Variants in BAZ2A observed in about 807,000 individuals in gnomAD.
BAZ2A encodes bromodomain adjacent to zinc finger domain 2A, also known as bromodomain adjacent to zinc finger domain protein 2A.
In BAZ2A, 34 loss-of-function variants were observed where a neutral mutation model predicts 199.9. That is an observed-to-expected ratio of 0.17 (90% confidence interval 0.13 to 0.23). BAZ2A has a LOEUF of 0.23. Among genes scored for constraint, BAZ2A ranks in the 10% least tolerant of loss-of-function variants. The probability of loss-of-function intolerance (pLI) is 1.00; values close to 1 mark genes in which losing one functional copy is unlikely to be tolerated. For missense variants in BAZ2A, 2,002 were observed against 2,391.1 expected (o/e 0.84, Z 3.39); for synonymous variants, 857 against 883.9 (o/e 0.97, Z 0.54).
Position 56,611,567 on chromosome 12 carries a change from A to G in BAZ2A, c.1670+6T>C. The G allele has an allele frequency of 1.2e-6, 2 of 1,611,230 alleles. No homozygotes were observed. The highest frequency in any genetic ancestry group is 1.7e-4 in the Middle Eastern group (1 of 6,060). Reference sequence around the variant, plus strand: ...GTCAATAAATGTAGCAAACTAGAGCATTTACCCATGTTGGAGGGGAAGACG... The same window carrying G: ...GTCAATAAATGTAGCAAACTAGAGCGTTTACCCATGTTGGAGGGGAAGACG... On this transcript the variant is annotated splice_donor_region_variant and intron_variant, in intron 7 of 28. Coordinates refer to ENST00000549884, the MANE Select transcript of BAZ2A (RefSeq NM_001300905.2).
intron 6 of BAZ2A, 22 bp downstream of exon 6, chr12:56,611,751 A>G (rs1399508158): frequency 2.0e-6 from 3 of 1,520,416 alleles, no homozygotes; most frequent in Admixed American, 4.6e-5. Context: ...AGACAGGGAT[A>G]GAATAGAATC....
chr12:56,630,874 G>T (rs979595474), upstream of BAZ2A: 17 of 985,196 alleles, frequency 1.7e-5, no homozygotes, highest in African/African-American at 2.6e-4. Context: ...TCCTGTGCGT[G>T]GGGGAAAGAA....
intron 1 of BAZ2A, among the ~76,000 whole-genome samples, chr12:56,623,881 T>C (rs965809917): frequency 1.3e-5 from 2 of 152,136 alleles, no homozygotes; most frequent in African/African-American, 4.8e-5. Flanking sequence ...TTTTCACTGT[T>C]CCCAGTTCCT....
upstream of BAZ2A, chr12:56,635,135 G>A: frequency 1.4e-6 from 1 of 733,136 alleles, no homozygotes; most frequent in South Asian, 6.1e-5. This position sits in a 1 kb window ranked among gnomAD's most constrained non-coding sequence, Gnocchi z 4.1. Context: ...GGATCCACTG[G>A]GGGAGAGGAT....
chr12:56,612,240 C>A lies in BAZ2A; in HGVS notation c.1142G>T (p.Ser381Ile). Reference protein sequence around the residue: ...VLGESVLQDNSFDLNNGSDAE... With the variant: ...VLGESVLQDNIFDLNNGSDAE... ...GTCACTACCATTATTCAGGTCAAAG[C>A]TGTTATCTAGAATCCAAAGGGACAG... Residue 381 changes from serine (S) to isoleucine (I), a missense_variant, in exon 6 of 29, where the codon AGC (serine) becomes ATC (isoleucine). Coordinates refer to ENST00000549884, the MANE Select transcript of BAZ2A (RefSeq NM_001300905.2). 1.5e-5 allele frequency: 24 copies of A among 1,611,862 alleles called. No homozygotes were observed. The highest frequency in any genetic ancestry group is 2.0e-5 in the Non-Finnish European group (24 of 1,178,740).
chr12:56,634,576 G>GT (rs1951400416), upstream of BAZ2A, among the ~76,000 whole-genome samples: 3 of 152,214 alleles, frequency 2.0e-5, 1 homozygote, highest in South Asian at 6.2e-4. Context: ...AGGAGTTGGG[G>GT]TGGGTATCCC....
rs763086668 is a variant in BAZ2A at position 56,605,860 on chromosome 12, C to T, written c.2463G>A (p.Pro821=). Residue 821 remains proline (P), a synonymous_variant, in exon 13 of 29, where the codon CCG becomes CCA. Transcript: ENST00000549884. Reference sequence around the variant, plus strand: ...GGTCAGTCAGACACATATCCTCTGTCGGCTTCTTCATTTCCTCCAAGATCA... The same window carrying T: ...GGTCAGTCAGACACATATCCTCTGTTGGCTTCTTCATTTCCTCCAAGATCA... The part of the protein sequence containing the change: ...QQMILEEMKK[P]TEDMCLTDHQ... 25 of 1,607,276 alleles carry T rather than the reference C, an allele frequency of 1.6e-5. No homozygotes were observed. The highest frequency in any genetic ancestry group is 2.7e-5 in the African/African-American group (2 of 74,674).
At chr12:56,630,095 C>G (rs1463407810) in intron 1 of BAZ2A, 30 bp downstream of exon 1, 1 of 969,024 alleles carries the variant, frequency 1.0e-6, no homozygotes, top group Non-Finnish European at 1.2e-6. Flanking sequence ...CTCCCTCCCC[C>G]TCAGGCCCCT....
chr12:56,625,942 G>A (rs1468184686), intron 1 of BAZ2A, among the ~76,000 whole-genome samples: 1 of 145,964 alleles, frequency 6.9e-6, no homozygotes, highest in Non-Finnish European at 1.5e-5. Context: ...TTTTTGGCAA[G>A]ATTACAGTAT....
intron 24 of BAZ2A, 36 bp from the exon 25 acceptor site, chr12:56,600,132 C>G (rs769139176): frequency 2.5e-6 from 4 of 1,612,716 alleles, no homozygotes; most frequent in East Asian, 4.5e-5. Flanking sequence ...GGAGAAGGAG[C>G]GGATCCACTA....
In BAZ2A at chr12:56,606,872, G is replaced by A; in HGVS notation, c.2093-139C>T. On this transcript the variant is annotated intron_variant, in intron 10 of 28. Coordinates refer to ENST00000549884, the MANE Select transcript of BAZ2A (RefSeq NM_001300905.2). ...CTAGAGTAGCTTTTTTTTTTTTTAA[G>A]TATACATAATAAAACATTGGGGGAA... is the stretch of plus-strand genomic sequence containing the variant. 3 of 675,544 alleles carry A rather than the reference G, an allele frequency of 4.4e-6. No individual in the cohort carries two copies. In the Admixed American group the frequency reaches 7.8e-5, roughly 18 times the overall value. The allele number at this position is 675,544 out of a possible 1,614,324, so 41.8% of individuals were successfully genotyped here. A position where few individuals can be genotyped will look rare whatever the true frequency, so the allele number is the denominator to read the frequency against.
chr12:56,634,344 T>C (rs561355879), upstream of BAZ2A, among the ~76,000 whole-genome samples: 1 of 151,992 alleles, frequency 6.6e-6, no homozygotes, highest in South Asian at 2.1e-4. Flanking sequence ...GGGGCCTTCC[T>C]AGGCTGCACC....
At position 56,610,120 on chromosome 12, in the gene BAZ2A, C is replaced by A. The variant is rs551372596; in HGVS notation, c.1875G>T (p.Thr625=). ...TTAACCCTTGGGTCTGCACCTCTGG[C>A]GTGTCTCTTTCTTCAAAGAAATCTC... ...PVGDFFEERD[T]PEGLQWVQLS... is the part of the protein sequence containing the mutation. Residue 625 remains threonine, a synonymous_variant, in exon 9 of 29, where the codon ACG becomes ACT. Transcript: ENST00000549884. The A allele has an allele frequency of 6.2e-7, 1 of 1,613,842 alleles. No homozygotes were observed. Among genetic ancestry groups the A allele is most frequent in the Non-Finnish European group, 8.5e-7 (1 of 1,179,810 alleles).
intron 3 of BAZ2A, chr12:56,614,454 G>C (rs1181901323): frequency 2.7e-5 from 8 of 299,560 alleles, no homozygotes; most frequent in Non-Finnish European, 5.0e-5. Context: ...GGTTACCCTT[G>C]TACCAGGAAT....
In BAZ2A at chr12:56,601,393, G is replaced by A. The variant is rs1183054131; in HGVS notation, c.4081C>T (p.Pro1361Ser). The A allele has an allele frequency of 6.2e-7, 1 of 1,613,180 alleles. No individual in the cohort carries two copies. Among genetic ancestry groups the A allele is most frequent in the Non-Finnish European group, 8.5e-7 (1 of 1,179,648 alleles). ...QLASSKPMNR[P>S]SAANPCSPVQ... ...GGAGAACAAGGGTTGGCAGCACTAG[G>A]TCTATTCATCTGTGAATAAAATGAG... Residue 1361 changes from proline to serine, a missense_variant, in exon 21 of 29, where the codon CCT becomes TCT. By Grantham distance (74) the Pro-to-Ser change is moderately conservative (BLOSUM62 -1). Around this residue, in one of 6 missense-constraint regions of BAZ2A, gnomAD observed 1,081 missense variants for 1,274.7 expected, o/e 0.85. Coordinates refer to ENST00000549884, the MANE Select transcript of BAZ2A (RefSeq NM_001300905.2).
At chr12:56,624,718 G>T (rs2137271351) in intron 1 of BAZ2A, among the ~76,000 whole-genome samples, 1 of 151,652 alleles carries the variant, frequency 6.6e-6, no homozygotes, top group Middle Eastern at 3.4e-3. Flanking sequence ...GCCATTCCTT[G>T]AAGAAAATAA....
At chr12:56,627,795 C>T (rs1177492207) in intron 1 of BAZ2A, among the ~76,000 whole-genome samples, 1 of 144,254 alleles carries the variant, frequency 6.9e-6, no homozygotes, top group East Asian at 2.0e-4. Context: ...CACTGCACTC[C>T]AGCCTGGGCA....
chr12:56,619,081 C>T (rs1331881374), intron 1 of BAZ2A, among the ~76,000 whole-genome samples: 2 of 151,800 alleles, frequency 1.3e-5, no homozygotes, highest in Non-Finnish European at 2.9e-5. Flanking sequence ...CGGTGGCTCA[C>T]ACCTGAAATC....
At chr12:56,602,625 G>T in intron 19 of BAZ2A, 88 bp downstream of exon 19, 1 of 1,500,044 alleles carries the variant, frequency 6.7e-7, no homozygotes. Context: ...ATCAGAAAAT[G>T]AAAGAAGCCC....
Sources: allele counts gnomAD v4.1 joint callset (sites outside exome capture counted in the v4.1 genomes callset), GRCh38; gene constraint gnomAD v4.1.1; regional missense constraint gnomAD v4.1.1; non-coding constraint Gnocchi (gnomAD v3.1); transcripts MANE v1.5; gene names NCBI Gene and HGNC (gene_info 2026-07-23, HGNC 2026-07-21).